Variants in ADCY9 observed in about 807,000 individuals in gnomAD.
ADCY9 encodes adenylate cyclase type 9.
Under a neutral mutation model 101.5 loss-of-function variants are expected in ADCY9, and 50 were observed. The observed-to-expected ratio is 0.49, with a 90% CI of 0.39 to 0.62. The LOEUF is 0.62. ADCY9 is among the 20% of genes least tolerant of loss of function. The pLI is 0.00. For synonymous variants in ADCY9, 905 were observed against 769.3 expected (o/e 1.18, Z -2.92); for missense variants, 1,662 against 1,800.4 (o/e 0.92, Z 1.39).
intron 2 of ADCY9, among the ~76,000 whole-genome samples, chr16:4,075,901 T>C (rs929864834): frequency 5.9e-5 from 9 of 152,308 alleles, no homozygotes; most frequent in African/African-American, 2.2e-4. Context: ...GAGAAACAGA[T>C]AAATTTTAAG....
intron 2 of ADCY9, among the ~76,000 whole-genome samples, chr16:4,077,255 A>C (rs923632224): frequency 6.6e-6 from 1 of 152,154 alleles, no homozygotes; most frequent in Non-Finnish European, 1.5e-5. Flanking sequence ...CCTGCATGGA[A>C]CAGCACAGCC....
intron 5 of ADCY9, among the ~76,000 whole-genome samples, chr16:3,991,853 C>T (rs1315127400): frequency 3.3e-5 from 5 of 150,966 alleles, no homozygotes; most frequent in Non-Finnish European, 7.4e-5. Context: ...GTGGATCACC[C>T]GAGGTCAGGA....
At chr16:4,000,224 A>C (rs1006070187) in intron 3 of ADCY9, among the ~76,000 whole-genome samples, 1 of 152,272 alleles carries the variant, frequency 6.6e-6, no homozygotes, top group Admixed American at 6.5e-5. Context: ...CCTCGTAAGC[A>C]ACCACGATGC....
Position 3,966,867 on chromosome 16 carries a change from G to A in ADCY9, c.2970C>T (p.Leu990=), listed in dbSNP as rs1368040393. ...CGCGATTCAGGAACCAGACCAACAAGAGCAGGAGAAAGAAGACGAGAACCA... is the reference window on the plus strand; with the variant it reads ...CGCGATTCAGGAACCAGACCAACAAAAGCAGGAGAAAGAAGACGAGAACCA... ...QEVVLVFFLL[L]LLVWFLNREF... is the part of the protein sequence containing the mutation. Residue 990 remains leucine (L), a synonymous_variant, in exon 11 of 11, where the codon CTC becomes CTT. Coordinates refer to ENST00000294016, the MANE Select transcript of ADCY9 (RefSeq NM_001116.4). The A allele has an allele frequency of 1.9e-6, 3 of 1,614,216 alleles. No homozygotes were observed.
intron 2 of ADCY9, among the ~76,000 whole-genome samples, chr16:4,090,854 A>G (rs1434143892): frequency 2.0e-5 from 3 of 151,978 alleles, no homozygotes; most frequent in Non-Finnish European, 2.9e-5. Flanking sequence ...TCATATAAAA[A>G]GAGTCTCTAG....
In ADCY9 at chr16:4,076,058, G is replaced by A. The variant is rs536216938; in HGVS notation, c.1693+37692C>T. On this transcript the variant is annotated intron_variant, in intron 2 of 10. Transcript: ENST00000294016. ...AAATGCAAAATAACAGCTGGGTGGC[G>A]TAGCACATGCCTGTGGTCCCAGCTA... Among the ~76,000 whole-genome samples the A allele has an allele frequency of 2.2e-3, 339 of 152,266 alleles. 3 individuals are homozygous for A. Among genetic ancestry groups the A allele is most frequent in the African/African-American group, 7.9e-3 (328 of 41,538 alleles).
intron 10 of ADCY9, among the ~76,000 whole-genome samples, chr16:3,972,776 G>A (rs1407433815): frequency 6.6e-6 from 1 of 152,000 alleles, no homozygotes; most frequent in Non-Finnish European, 1.5e-5. Flanking sequence ...GGGAGAGGGG[G>A]TCAGCAGCGG....
intron 2 of ADCY9, among the ~76,000 whole-genome samples, chr16:4,009,666 T>C (rs1442482379): frequency 2.6e-5 from 4 of 152,224 alleles, no homozygotes; most frequent in Admixed American, 2.6e-4. Context: ...CTGTAACATG[T>C]ATACACTGAA....
At chr16:3,971,586 T>A (rs1373854003) in intron 10 of ADCY9, among the ~76,000 whole-genome samples, 1 of 152,222 alleles carries the variant, frequency 6.6e-6, no homozygotes, top group African/African-American at 2.4e-5. Context: ...CGATGATGAC[T>A]CAAACATATT....
rs946849402 is a variant in ADCY9, at chr16:4,081,814, G to A, written c.1693+31936C>T. Among the ~76,000 whole-genome samples the A allele has an allele frequency of 9.3e-5, 14 of 150,540 alleles. No homozygotes were observed. The East Asian group carries it at 2.4e-3, about 26-fold the overall frequency. ...GGGGCGTGTGGGTAAGAGCAAGAGG[G>A]GGGCAGCAGGGGAGGAGGGCGCTGT... On this transcript the variant is annotated intron_variant, in intron 2 of 10. Coordinates refer to ENST00000294016, the MANE Select transcript of ADCY9 (RefSeq NM_001116.4).
At chr16:4,089,797 G>C (rs2056961925) in intron 2 of ADCY9, among the ~76,000 whole-genome samples, 1 of 152,006 alleles carries the variant, frequency 6.6e-6, no homozygotes, top group Non-Finnish European at 1.5e-5. Context: ...ACCAGTGCCT[G>C]CGTGCCAAGG....
Position 3,995,104 on chromosome 16 carries a change from C to T in ADCY9, c.1885-1594G>A, listed in dbSNP as rs535331831. On this transcript the variant is annotated intron_variant, in intron 3 of 10. Coordinates refer to ENST00000294016, the MANE Select transcript of ADCY9 (RefSeq NM_001116.4). Reference sequence around the variant, plus strand: ...TCAAATCACTTTACCTCAGTTCCCTCATCTATAAACAAAGAGTGAAGATAT... The same window carrying T: ...TCAAATCACTTTACCTCAGTTCCCTTATCTATAAACAAAGAGTGAAGATAT... Among the ~76,000 whole-genome samples the T allele has an allele frequency of 3.3e-5, 5 of 152,298 alleles. No individual in the cohort carries two copies. The South Asian group carries it at 1.0e-3, about 32-fold the overall frequency.
Position 4,091,057 on chromosome 16 carries a change from C to A in ADCY9, c.1693+22693G>T, listed in dbSNP as rs112645023. Among the ~76,000 whole-genome samples, 721 of 149,422 alleles carry A rather than the reference C, an allele frequency of 4.8e-3. 8 individuals are homozygous for A. The highest frequency in any genetic ancestry group is 0.016 in the African/African-American group (670 of 41,262). Reference sequence around the variant, plus strand: ...TTTTACAGGGTCTTCATATAAGTTCCTATTTTATTATTTTATTTTATTTTA... The same window carrying A: ...TTTTACAGGGTCTTCATATAAGTTCATATTTTATTATTTTATTTTATTTTA... On this transcript the variant is annotated intron_variant, in intron 2 of 10. Transcript: ENST00000294016.
At chr16:4,091,798 G>A (rs1056514087) in intron 2 of ADCY9, among the ~76,000 whole-genome samples, 15 of 152,332 alleles carry the variant, frequency 9.8e-5, no homozygotes, top group African/African-American at 3.4e-4. Context: ...GCTGCCAGGT[G>A]CTAGGGCTTG....
At chr16:3,989,413 T>C (rs984106000) in intron 5 of ADCY9, among the ~76,000 whole-genome samples, 3 of 152,024 alleles carry the variant, frequency 2.0e-5, no homozygotes, top group African/African-American at 7.2e-5. Flanking sequence ...TCTCACTCTG[T>C]CGCCCAGGCT....
chr16:3,987,355 G>A (rs1029559841), intron 6 of ADCY9, among the ~76,000 whole-genome samples: 33 of 152,256 alleles, frequency 2.2e-4, no homozygotes, highest in Admixed American at 2.0e-3. Flanking sequence ...CATGGCAAAG[G>A]TGTCTGCTGT....
intron 3 of ADCY9, among the ~76,000 whole-genome samples, chr16:3,994,323 C>T (rs1028948434): frequency 5.3e-5 from 8 of 152,162 alleles, no homozygotes; most frequent in African/African-American, 1.4e-4. Flanking sequence ...GTTTAAAAGC[C>T]ACCTGGTTTG....
chr16:4,036,373 T>G (rs1311971781), intron 2 of ADCY9, among the ~76,000 whole-genome samples: 1 of 151,890 alleles, frequency 6.6e-6, no homozygotes, highest in Non-Finnish European at 1.5e-5. Flanking sequence ...AGAAATTTTA[T>G]GGCATGTATA....
At chr16:4,026,382 C>G (rs2056515155) in intron 2 of ADCY9, among the ~76,000 whole-genome samples, 1 of 147,298 alleles carries the variant, frequency 6.8e-6, no homozygotes, top group South Asian at 2.1e-4. Flanking sequence ...TGAGATCACG[C>G]CATTGCACTC....
Sources: allele counts gnomAD v4.1 joint callset (sites outside exome capture counted in the v4.1 genomes callset), GRCh38; gene constraint gnomAD v4.1.1; transcripts MANE v1.5; gene names NCBI Gene and HGNC (gene_info 2026-07-23, HGNC 2026-07-21).